Variants in WFDC3 observed in about 807,000 individuals in gnomAD.
WFDC3 encodes the protein WAP four-disulfide core domain protein 3.
In WFDC3, 15 loss-of-function variants were observed where a neutral mutation model predicts 25.8. The ratio of observed to expected loss-of-function variants is 0.58; its 90% CI spans 0.39 to 0.89. The LOEUF (loss-of-function observed/expected upper bound fraction) is 0.89. Among genes scored for constraint, WFDC3 ranks in the 40% least tolerant of loss-of-function variants. The probability of loss-of-function intolerance (pLI) is 0.00; values close to 1 mark genes in which losing one functional copy is unlikely to be tolerated. For synonymous variants in WFDC3, 103 were observed against 107.1 expected (o/e 0.96, Z 0.24); for missense variants, 264 against 289.8 (o/e 0.91, Z 0.65).
chr20:45,776,622 GAAA>G (rs1226870114), intron 5 of WFDC3, among the ~76,000 whole-genome samples: 7 of 76,298 alleles, frequency 9.2e-5, no homozygotes, highest in Admixed American at 1.8e-4. Context: ...AGAAAAAAAA[GAAA>G]AAAAAAAAAA....
intron 6 of WFDC3, 85 bp from the exon 7 acceptor site, chr20:45,774,529 T>C (rs1601008609): frequency 6.3e-7 from 1 of 1,587,734 alleles, no homozygotes; most frequent in East Asian, 2.2e-5. Flanking sequence ...CTAGGAAAGC[T>C]TGGCCTATAT....
At chr20:45,789,671 G>C (rs552129902) in intron 2 of WFDC3, among the ~76,000 whole-genome samples, 1 of 152,148 alleles carries the variant, frequency 6.6e-6, no homozygotes, top group East Asian at 1.9e-4. Flanking sequence ...AGAACCTCTA[G>C]TAAGCCCAAC....
rs750368601 is a variant in WFDC3, at chr20:45,787,902, C to A, written c.292G>T (p.Val98Leu). The A allele has an allele frequency of 5.0e-6, 8 of 1,614,184 alleles. No homozygotes were observed. The South Asian group carries it at 8.8e-5, about 18-fold the overall frequency. ...CAGCCAAGCGTGCAGCATTTCTTTACACCTGGACATGTCTCATCAGTGATG... is the reference window on the plus strand; with the variant it reads ...CAGCCAAGCGTGCAGCATTTCTTTAAACCTGGACATGTCTCATCAGTGATG... ...RCITDETCPG[V>L]KKCCTLGCNK... Residue 98 changes from valine (V) to leucine (L), a missense_variant, in exon 4 of 7, where the codon GTA becomes TTA. By Grantham distance (32) the Val-to-Leu change is conservative. Transcript: ENST00000243938.
In WFDC3 at chr20:45,789,893, C is replaced by T; in HGVS notation, c.82+1G>A. The T allele has an allele frequency of 6.2e-7, 1 of 1,613,692 alleles. No homozygotes were observed. On this transcript the variant is annotated splice_donor_variant, in intron 2 of 6. Coordinates refer to ENST00000243938, the MANE Select transcript of WFDC3 (RefSeq NM_080614.2). LOFTEE classifies it high-confidence loss of function. ...GCCAGGGATCCCAAATGATAGCTCACCATGTTCTCCTGCAGTTATCCAGGA... is the reference window on the plus strand; with the variant it reads ...GCCAGGGATCCCAAATGATAGCTCATCATGTTCTCCTGCAGTTATCCAGGA...
chr20:45,789,170 C>T, intron 2 of WFDC3, 111 bp from the exon 3 acceptor site: 3 of 1,412,076 alleles, frequency 2.1e-6, no homozygotes, highest in South Asian at 1.4e-5. Flanking sequence ...CACCACTGCA[C>T]TCTAGCCTGG....
intron 6 of WFDC3, 104 bp downstream of exon 6, chr20:45,775,313 A>G (rs2145679703): frequency 2.0e-6 from 3 of 1,467,498 alleles, no homozygotes; most frequent in Admixed American, 2.1e-5. Flanking sequence ...TTTCTCTCCA[A>G]CTAGACTTTT....
chr20:45,790,853 T>C (rs945213971), intron 1 of WFDC3: 5 of 470,534 alleles, frequency 1.1e-5, no homozygotes, highest in Non-Finnish European at 1.8e-5. Context: ...CAGGCCATTC[T>C]TGGACTGTAT....
chr20:45,781,412 A>C (rs1400531469), intron 4 of WFDC3, among the ~76,000 whole-genome samples: 1 of 152,244 alleles, frequency 6.6e-6, no homozygotes, highest in Non-Finnish European at 1.5e-5. Context: ...GTTATCCACC[A>C]GTGTGTAGGC....
rs202014401 is a variant in WFDC3, at chr20:45,777,160, C to T, written c.408G>A (p.Leu136=). 1.3e-5 allele frequency: 21 copies of T among 1,604,296 alleles called. No homozygotes were observed. In the East Asian group the frequency reaches 4.1e-4, roughly 31 times the overall value. ...CPADPLPCEE[L]CDGDASCPQG... is the part of the protein sequence containing the mutation. ...GGGGACAGGATGCATCCCCATCACA[C>T]AGCTCCTCACACGGAAGGGGGTCAG... Residue 136 remains leucine, a synonymous_variant, in exon 5 of 7, where the codon CTG becomes CTA. Coordinates refer to ENST00000243938, the MANE Select transcript of WFDC3 (RefSeq NM_080614.2).
chr20:45,784,438 G>C (rs1012303420), intron 4 of WFDC3, among the ~76,000 whole-genome samples: 7 of 152,160 alleles, frequency 4.6e-5, no homozygotes, highest in Non-Finnish European at 8.8e-5. Context: ...TGAATAAAGG[G>C]GCTGGTGAGA....
At chr20:45,776,615 AAAAAAAGAAAAAAAAAAAAAATAT>A (rs1374251151) in intron 5 of WFDC3, among the ~76,000 whole-genome samples, 2 of 51,236 alleles carry the variant, frequency 3.9e-5, no homozygotes, top group African/African-American at 8.4e-5. Context: ...AAAAAAAAGA[AAAAAAAGAAAAAAAAAAAAAATAT>A]ATATATATAT....
chr20:45,777,138 G>T lies in WFDC3; in HGVS notation c.430C>A (p.Pro144Thr). The T allele has an allele frequency of 6.2e-7, 1 of 1,610,772 alleles. No homozygotes were observed. Among genetic ancestry groups the T allele is most frequent in the Non-Finnish European group, 8.5e-7 (1 of 1,178,626 alleles). The change falls in exon 5 of 7, where the codon CCC becomes ACC. Residue 144 changes from proline to threonine, a missense_variant. By Grantham distance (38) the Pro-to-Thr change is conservative (BLOSUM62 -1). Transcript: ENST00000243938. ...EELCDGDASC[P>T]QGHKCCSTGC... ...GTGCTGCAGCATTTATGCCCCTGGG[G>T]ACAGGATGCATCCCCATCACACAGC...
At position 45,774,267 on chromosome 20, in the gene WFDC3, A is replaced by C; in HGVS notation, c.*161T>G. 7.4e-6 allele frequency: 7 copies of C among 943,848 alleles called. No individual in the cohort carries two copies. The South Asian group carries it at 1.0e-4, about 13-fold the overall frequency. 58.5% of individuals were successfully genotyped at this position (943,848 alleles called of 1,614,324 possible). ...GCACCACACACCCACTACCCAATCC[A>C]GGGCTATTTCCCATGCTCTGGTCAG... On this transcript the variant is annotated 3_prime_UTR_variant, in exon 7 of 7. Coordinates refer to ENST00000243938, the MANE Select transcript of WFDC3 (RefSeq NM_080614.2).
At chr20:45,776,278 C>CTGTGTGTG (rs3080047) in intron 5 of WFDC3, among the ~76,000 whole-genome samples, 4,573 of 101,954 alleles carry the variant, frequency 0.045, 162 homozygotes, top group East Asian at 0.14. Context: ...GCTTTTATCT[C>CTGTGTGTG]TGTGTGTGTG....
intron 4 of WFDC3, among the ~76,000 whole-genome samples, chr20:45,783,824 G>A (rs6032530): frequency 0.63 from 96,291 of 151,932 alleles, 30,814 homozygotes; most frequent in Admixed American, 0.72. Flanking sequence ...TTCCTGTAGA[G>A]TTGGGTATAG....
At chr20:45,790,044 C>A (rs1007393199) in intron 1 of WFDC3, 62 bp from the exon 2 acceptor site, 2 of 1,387,180 alleles carry the variant, frequency 1.4e-6, no homozygotes, top group African/African-American at 1.4e-5. Context: ...AGAGTATCAG[C>A]TGAGGTATGA....
Position 45,775,565 on chromosome 20 carries a change from C to T in WFDC3, c.531G>A (p.Leu177=). The change falls in exon 6 of 7, where the codon CTG becomes CTA. Residue 177 remains leucine, a synonymous_variant. Transcript: ENST00000243938. ...CATCCATCACACAGCCAACAATGCA[C>T]AGGCCCACCAGAACTTTTGGACAAT... ...GGDCPKVLVG[L]CIVGCVMDEN... is the part of the protein sequence containing the mutation. The T allele has an allele frequency of 6.2e-7, 1 of 1,614,218 alleles. No homozygotes were observed. The highest frequency in any genetic ancestry group is 8.5e-7 in the Non-Finnish European group (1 of 1,180,044).
intron 4 of WFDC3, among the ~76,000 whole-genome samples, chr20:45,784,728 C>T (rs183079351): frequency 4.4e-4 from 67 of 152,028 alleles, no homozygotes; most frequent in Admixed American, 2.6e-3. Context: ...GCAACAATAG[C>T]GAAACTCAGT....
At chr20:45,785,460 CAAA>C (rs59167815) in intron 4 of WFDC3, among the ~76,000 whole-genome samples, 3 of 72,542 alleles carry the variant, frequency 4.1e-5, no homozygotes, top group Admixed American at 1.5e-4. Flanking sequence ...CAGCCTGTCT[CAAA>C]AAAAAAAAAA....
Sources: allele counts gnomAD v4.1 joint callset (sites outside exome capture counted in the v4.1 genomes callset), GRCh38; gene constraint gnomAD v4.1.1; transcripts MANE v1.5; gene names NCBI Gene and HGNC (gene_info 2026-07-23, HGNC 2026-07-21).